OLA1: variants seen among roughly 807,000 people sequenced by gnomAD.
The protein encoded by OLA1 is obg-like ATPase 1.
A neutral mutation model predicts 48.4 loss-of-function variants in OLA1; 14 were observed. The observed-to-expected ratio is 0.29, with a 90% CI of 0.19 to 0.45. The LOEUF (loss-of-function observed/expected upper bound fraction) is 0.45, where lower values mean the gene tolerates loss of function less well. Ranked by LOEUF, OLA1 falls within the 20% of genes least tolerant of loss-of-function variation. OLA1 has a pLI of 1.00. For missense variants in OLA1, 325 were observed against 467.1 expected (o/e 0.70, Z 2.80); for synonymous variants, 127 against 150.4 (o/e 0.84, Z 1.14).
chr2:174,073,089 G>C lies in OLA1; in HGVS notation c.*2337C>G, dbSNP rs548507030. 16 of 152,128 alleles carry C rather than the reference G, an allele frequency of 1.1e-4. No individual in the cohort carries two copies. Among genetic ancestry groups the C allele is most frequent in the African/African-American group, 3.6e-4 (15 of 41,400 alleles). The allele number at this position is 152,128 out of a possible 1,614,324, so 9.4% of individuals were successfully genotyped here. On this transcript the variant is annotated 3_prime_UTR_variant, in exon 11 of 11. Transcript: ENST00000284719. ...CTCCACCTCCCAGGCTCAAGCGATCGATCAATCCTCCCATCTCAGCCTCCT... is the reference window on the plus strand; with the variant it reads ...CTCCACCTCCCAGGCTCAAGCGATCCATCAATCCTCCCATCTCAGCCTCCT...
intron 4 of OLA1, among the ~76,000 whole-genome samples, chr2:174,159,531 G>A (rs1686964162): frequency 6.6e-6 from 1 of 151,998 alleles, no homozygotes; most frequent in Non-Finnish European, 1.5e-5. Context: ...AACTGCTTTG[G>A]TTTTTCACCT....
At chr2:174,108,954 A>G (rs560284443) in intron 7 of OLA1, among the ~76,000 whole-genome samples, 1 of 152,228 alleles carries the variant, frequency 6.6e-6, no homozygotes, top group African/African-American at 2.4e-5. Context: ...TTAGAATGGG[A>G]CACTTGCTGT....
At chr2:174,128,745 A>AT (rs1206871803) in intron 5 of OLA1, among the ~76,000 whole-genome samples, 1 of 151,780 alleles carries the variant, frequency 6.6e-6, no homozygotes, top group Non-Finnish European at 1.5e-5. Context: ...TCAAAAAAAA[A>AT]AAAAATAAAA....
At chr2:174,173,096 T>C (rs1036686205) in intron 4 of OLA1, among the ~76,000 whole-genome samples, 2 of 152,184 alleles carry the variant, frequency 1.3e-5, no homozygotes, top group African/African-American at 4.8e-5. Flanking sequence ...ATAAACTTAT[T>C]TTGTTTATAA....
chr2:174,198,850 T>C (rs1490715234), intron 4 of OLA1, among the ~76,000 whole-genome samples: 2 of 152,198 alleles, frequency 1.3e-5, no homozygotes, highest in Non-Finnish European at 1.5e-5. Context: ...TAACATGTTA[T>C]TTGCCTTTTT....
At chr2:174,216,390 A>G (rs777403665) in intron 4 of OLA1, among the ~76,000 whole-genome samples, 6 of 152,164 alleles carry the variant, frequency 3.9e-5, no homozygotes, top group Non-Finnish European at 8.8e-5. Context: ...CAAGAAGCAG[A>G]GAAGAGAAAA....
Position 174,146,440 on chromosome 2 carries a change from T to C in OLA1, c.374-4440A>G, listed in dbSNP as rs149816128. On this transcript the variant is annotated intron_variant, in intron 4 of 10. Transcript: ENST00000284719. ...ACCAGATAAGTGGTACTCAAGACTGTGGAGAACAAGAGGAGCGTTTGTACT... is the reference window on the plus strand; with the variant it reads ...ACCAGATAAGTGGTACTCAAGACTGCGGAGAACAAGAGGAGCGTTTGTACT... Among the ~76,000 whole-genome samples, 141 of 152,292 alleles carry C rather than the reference T, an allele frequency of 9.3e-4. 2 individuals carry two copies. In the East Asian group the frequency reaches 0.026, roughly 28 times the overall value.
intron 4 of OLA1, among the ~76,000 whole-genome samples, chr2:174,144,951 A>AAAAAAAAAAATATATATAT (rs1181030817): frequency 5.0e-5 from 2 of 40,294 alleles, no homozygotes; most frequent in Non-Finnish European, 8.0e-5. Context: ...AAAAAAAAAA[A>AAAAAAAAAAATATATATAT]ATATATATAT....
chr2:174,120,493 G>C (rs1253127737), intron 7 of OLA1, among the ~76,000 whole-genome samples: 1 of 152,126 alleles, frequency 6.6e-6, no homozygotes, highest in East Asian at 1.9e-4. Context: ...ACAACATCTT[G>C]ATTACTGTCA....
chr2:174,147,733 A>T (rs1686643771), intron 4 of OLA1, among the ~76,000 whole-genome samples: 1 of 152,232 alleles, frequency 6.6e-6, no homozygotes, highest in Non-Finnish European at 1.5e-5. Flanking sequence ...GTAATTTTTT[A>T]AAAACTTCTT....
intron 4 of OLA1, among the ~76,000 whole-genome samples, chr2:174,196,385 T>C (rs1304366560): frequency 6.6e-6 from 1 of 152,184 alleles, no homozygotes; most frequent in Non-Finnish European, 1.5e-5. Flanking sequence ...TTATTCAAAG[T>C]ACATTTTAAA....
At chr2:174,099,103 T>C (rs1685323155) in intron 7 of OLA1, among the ~76,000 whole-genome samples, 1 of 152,098 alleles carries the variant, frequency 6.6e-6, no homozygotes, top group African/African-American at 2.4e-5. Context: ...ATACAAGAAA[T>C]AGATTTGAGG....
chr2:174,204,826 T>C (rs779025534), intron 4 of OLA1, among the ~76,000 whole-genome samples: 1 of 152,206 alleles, frequency 6.6e-6, no homozygotes, highest in Non-Finnish European at 1.5e-5. Context: ...TTAGCAGCTA[T>C]GTGATTTTTT....
At position 174,111,081 on chromosome 2, in the gene OLA1, T is replaced by C. The variant is rs547286936; in HGVS notation, c.728+12099A>G. Among the ~76,000 whole-genome samples, 7 of 152,246 alleles carry C rather than the reference T, an allele frequency of 4.6e-5. No homozygotes were observed. The South Asian group carries it at 1.0e-3, about 22-fold the overall frequency. ...ACACAGAATAATTTCTGCCACAGGATAATTTCATTTAATATATGTAACATA... is the reference window on the plus strand; with the variant it reads ...ACACAGAATAATTTCTGCCACAGGACAATTTCATTTAATATATGTAACATA... On this transcript the variant is annotated intron_variant, in intron 7 of 10. Transcript: ENST00000284719.
At chr2:174,099,164 T>A (rs143880194) in intron 7 of OLA1, among the ~76,000 whole-genome samples, 1,642 of 151,990 alleles carry the variant, frequency 0.011, 18 homozygotes, top group Middle Eastern at 0.058. Flanking sequence ...TTATTTATTT[T>A]TTTTTTTTTT....
intron 4 of OLA1, among the ~76,000 whole-genome samples, chr2:174,153,380 T>C (rs774851191): frequency 5.9e-5 from 9 of 152,064 alleles, no homozygotes; most frequent in Non-Finnish European, 8.8e-5. Flanking sequence ...CAATATTGAA[T>C]AGTAAGATGA....
At chr2:174,169,977 A>G (rs1333638881) in intron 4 of OLA1, among the ~76,000 whole-genome samples, 1 of 152,206 alleles carries the variant, frequency 6.6e-6, no homozygotes, top group Non-Finnish European at 1.5e-5. Flanking sequence ...ACAGGGAGGG[A>G]ATATGGGATT....
At chr2:174,145,156 G>C (rs529334142) in intron 4 of OLA1, among the ~76,000 whole-genome samples, 1 of 151,236 alleles carries the variant, frequency 6.6e-6, no homozygotes, top group South Asian at 2.1e-4. Flanking sequence ...GTTCAGCAGA[G>C]AGCCCAACAC....
At chr2:174,141,585 A>G (rs1361364606) in intron 5 of OLA1, among the ~76,000 whole-genome samples, 1 of 152,210 alleles carries the variant, frequency 6.6e-6, no homozygotes, top group Non-Finnish European at 1.5e-5. Context: ...CTACATAGTA[A>G]TCATGTAAAC....
Sources: allele counts gnomAD v4.1 joint callset (sites outside exome capture counted in the v4.1 genomes callset), GRCh38; gene constraint gnomAD v4.1.1; transcripts MANE v1.5; gene names NCBI Gene and HGNC (gene_info 2026-07-23, HGNC 2026-07-21).